TTBK1: variants seen among roughly 807,000 people sequenced by gnomAD.
The protein encoded by TTBK1 is tau tubulin kinase 1.
A neutral mutation model predicts 108.5 loss-of-function variants in TTBK1; 34 were observed. The ratio of observed to expected loss-of-function variants is 0.31; its 90% CI spans 0.24 to 0.42. TTBK1 has a LOEUF of 0.42. Among genes scored for constraint, TTBK1 ranks in the 10% least tolerant of loss-of-function variants. The probability of loss-of-function intolerance (pLI) is 1.00; values close to 1 mark genes in which losing one functional copy is unlikely to be tolerated. For missense variants in TTBK1, 1,539 were observed against 1,826.0 expected (o/e 0.84, Z 2.86); for synonymous variants, 809 against 795.1 (o/e 1.02, Z -0.29).
Position 43,244,268 on chromosome 6 carries a change from G to A in TTBK1, c.-55+560G>A, listed in dbSNP as rs187735861. Among the ~76,000 whole-genome samples the A allele has an allele frequency of 3.3e-4, 50 of 151,152 alleles. 1 individual carries two copies. The highest frequency in any genetic ancestry group is 3.4e-3 in the Middle Eastern group (1 of 290). The stretch of plus-strand genomic sequence containing the variant: ...CTTTCACCTGTTCCCATCACCCCTC[G>A]CTAGTCTCCATCACCTCTCCTTACC... On this transcript the variant is annotated intron_variant, in intron 1 of 14. Coordinates refer to ENST00000259750, the MANE Select transcript of TTBK1 (RefSeq NM_032538.3).
intron 13 of TTBK1, among the ~76,000 whole-genome samples, chr6:43,280,102 C>CTTCT (rs1305782290): frequency 2.0e-5 from 3 of 152,144 alleles, no homozygotes; most frequent in African/African-American, 7.2e-5. Flanking sequence ...CTGCTGGAAT[C>CTTCT]TGAAGCTATC....
In TTBK1 at chr6:43,283,712, C is replaced by T. The variant is rs1471225774; in HGVS notation, c.2972C>T (p.Ala991Val). ...NGLALSGLNG[A>V]EIEGSALSGA... The stretch of plus-strand genomic sequence containing the variant: ...CTCGCCCTGTCAGGGCTGAATGGGG[C>T]TGAGATAGAGGGCTCTGCCCTGTCT... Residue 991 changes from alanine (A) to valine (V), a missense_variant, in exon 14 of 15, where the codon GCT becomes GTT. Ala to Val is a moderately conservative substitution (Grantham distance 64). Coordinates refer to ENST00000259750, the MANE Select transcript of TTBK1 (RefSeq NM_032538.3). This position sits in a 1 kb window ranked among gnomAD's most constrained non-coding sequence, Gnocchi z 8.1. 1.2e-6 allele frequency: 2 copies of T among 1,613,806 alleles called. No homozygotes were observed. Among genetic ancestry groups the T allele is most frequent in the African/African-American group, 2.7e-5 (2 of 74,906 alleles).
Position 43,273,890 on chromosome 6 carries a change from CCT to C in TTBK1, c.1987-8834_1987-8833del, listed in dbSNP as rs1352249777. Among the ~76,000 whole-genome samples the C allele has an allele frequency of 3.6e-4, 55 of 152,318 alleles. 1 individual carries two copies. Among genetic ancestry groups the C allele is most frequent in the African/African-American group, 1.2e-3 (51 of 41,566 alleles). ...TGAGCCTGAGGACTTCCTGCACCACCCTCTGTCCAGGGCTGCAGCACTCAAAG... is the reference window on the plus strand; with the variant it reads ...TGAGCCTGAGGACTTCCTGCACCACCCTGTCCAGGGCTGCAGCACTCAAAG... On this transcript the variant is annotated intron_variant, in intron 13 of 14. Coordinates refer to ENST00000259750, the MANE Select transcript of TTBK1 (RefSeq NM_032538.3). The surrounding 1 kb of genome is among the most constrained non-coding windows in gnomAD (Gnocchi z 4.2).
At chr6:43,246,262 C>T (rs987970009) in intron 1 of TTBK1, among the ~76,000 whole-genome samples, 1 of 152,214 alleles carries the variant, frequency 6.6e-6, no homozygotes, top group African/African-American at 2.4e-5. Flanking sequence ...AAGCCCAGGC[C>T]TCCCCTACAA....
At position 43,269,468 on chromosome 6, in the gene TTBK1, C is replaced by G. The variant is rs1334614780; in HGVS notation, c.1986+6118C>G. 6.6e-6 allele frequency among the ~76,000 whole-genome samples: 1 copy of G among 152,208 alleles called. No individual in the cohort carries two copies. The highest frequency in any genetic ancestry group is 1.5e-5 in the Non-Finnish European group (1 of 68,034). ...GGCGTTGGAGGCCAGAGCCTAGATT[C>G]TGAGGCAGGACCTTGGGGCGGGTGG... On this transcript the variant is annotated intron_variant, in intron 13 of 14. Transcript: ENST00000259750. This position sits in a 1 kb window ranked among gnomAD's most constrained non-coding sequence, Gnocchi z 4.8.
In TTBK1 at chr6:43,283,417, T is replaced by C. The variant is rs779615073; in HGVS notation, c.2677T>C (p.Ser893Pro). 6.2e-7 allele frequency: 1 copy of C among 1,612,818 alleles called. No individual in the cohort carries two copies. Among genetic ancestry groups the C allele is most frequent in the Admixed American group, 1.7e-5 (1 of 59,880 alleles). ...AGGCACCCTGTCCTCTGTCCTCAAG[T>C]CTGAGCCCAAGCCCCCGGGGCCTGG... ...EPGTLSSVLK[S>P]EPKPPGPGAG... The change falls in exon 14 of 15, where the codon TCT becomes CCT. Residue 893 changes from serine (S) to proline (P), a missense_variant. Ser to Pro is a moderately conservative substitution (Grantham distance 74). This residue lies in a region of TTBK1 where 1,055 missense variants were observed against 1,086.5 expected (regional missense o/e 0.97). Transcript: ENST00000259750. The surrounding 1 kb of genome is among the most constrained non-coding windows in gnomAD (Gnocchi z 8.1).
intron 13 of TTBK1, among the ~76,000 whole-genome samples, chr6:43,267,227 C>G (rs1037712252): frequency 4.6e-5 from 7 of 152,110 alleles, no homozygotes; most frequent in South Asian, 2.1e-4. Context: ...GGTAGAGGAG[C>G]AGGGAGAAAT....
chr6:43,252,963 C>A, intron 3 of TTBK1, 77 bp downstream of exon 3: 1 of 1,542,820 alleles, frequency 6.5e-7, no homozygotes, highest in Non-Finnish European at 8.8e-7. Context: ...AGATCAGAAG[C>A]TGGGGTGAGG....
At chr6:43,266,546 C>T (rs1325378083) in intron 13 of TTBK1, among the ~76,000 whole-genome samples, 1 of 152,132 alleles carries the variant, frequency 6.6e-6, no homozygotes, top group African/African-American at 2.4e-5. Flanking sequence ...GTGTTAGCAA[C>T]GGGACTTGAA....
chr6:43,255,052 C>T lies in TTBK1; in HGVS notation c.580C>T (p.Arg194Trp). 1.2e-6 allele frequency: 2 copies of T among 1,613,200 alleles called. No homozygotes were observed. The highest frequency in any genetic ancestry group is 1.7e-6 in the Non-Finnish European group (2 of 1,179,808). The change falls in exon 7 of 15, where the codon CGG becomes TGG. Residue 194 changes from arginine (R) to tryptophan (W), a missense_variant. Around this residue, in one of 5 missense-constraint regions of TTBK1, gnomAD observed 155 missense variants for 348.5 expected, o/e 0.44. Coordinates refer to ENST00000259750, the MANE Select transcript of TTBK1 (RefSeq NM_032538.3). The part of the protein sequence containing the change: ...TNTTGDVRPP[R>W]NVAGFRGTVR... ...CTTGGTGGTCTCCCTTCTGCAGCCT[C>T]GGAATGTGGCCGGGTTTCGAGGAAC...
intron 2 of TTBK1, among the ~76,000 whole-genome samples, chr6:43,250,079 G>T (rs972172230): frequency 6.6e-6 from 1 of 151,492 alleles, no homozygotes; most frequent in African/African-American, 2.4e-5. Flanking sequence ...GGAAGAAGGG[G>T]TGTAAAGAAG....
chr6:43,263,135 CCCA>C lies in TTBK1; in HGVS notation c.1774_1776del (p.Thr592del), dbSNP rs1562089629. ...AGAGCGGCGGCGGCTGGGGGCAGAGCCCACCGTCCGGCCCCGGGGACGCAGCAT... is the reference window on the plus strand; with the variant it reads ...AGAGCGGCGGCGGCTGGGGGCAGAGCCCGTCCGGCCCCGGGGACGCAGCAT... On this transcript the variant is annotated inframe_deletion, in exon 13 of 15. Coordinates refer to ENST00000259750, the MANE Select transcript of TTBK1 (RefSeq NM_032538.3). This position sits in a 1 kb window ranked among gnomAD's most constrained non-coding sequence, Gnocchi z 4.7. 13 of 1,566,782 alleles carry C rather than the reference CCCA, an allele frequency of 8.3e-6. No homozygotes were observed. The highest frequency in any genetic ancestry group is 1.1e-5 in the Non-Finnish European group (13 of 1,154,852).
intron 2 of TTBK1, among the ~76,000 whole-genome samples, chr6:43,247,670 C>G (rs954495814): frequency 6.6e-6 from 1 of 151,904 alleles, no homozygotes; most frequent in African/African-American, 2.4e-5. Flanking sequence ...GTGCTTGGCG[C>G]GTGTGCGCAC....
In TTBK1 at chr6:43,286,724, T is replaced by A. The variant is rs1045817629; in HGVS notation, c.*1348T>A. 1.3e-5 allele frequency: 2 copies of A among 152,550 alleles called. No homozygotes were observed. Among genetic ancestry groups the A allele is most frequent in the African/African-American group, 4.8e-5 (2 of 41,462 alleles). The allele number at this position is 152,550 out of a possible 1,614,324, so 9.4% of individuals were successfully genotyped here. Reference sequence around the variant, plus strand: ...CTACTCCAGGAATGGATGTGGGGACTCTTCCTGGGTTCTGGCTCCTGCATA... The same window carrying A: ...CTACTCCAGGAATGGATGTGGGGACACTTCCTGGGTTCTGGCTCCTGCATA... On this transcript the variant is annotated 3_prime_UTR_variant, in exon 15 of 15. Transcript: ENST00000259750. This position sits in a 1 kb window ranked among gnomAD's most constrained non-coding sequence, Gnocchi z 4.6.
intron 13 of TTBK1, chr6:43,272,001 T>C: frequency 1.0e-6 from 1 of 985,118 alleles, no homozygotes. Context: ...GGTGGACCCT[T>C]TGAGAAGGGA....
intron 13 of TTBK1, among the ~76,000 whole-genome samples, chr6:43,272,992 C>T (rs1384035917): frequency 6.6e-6 from 1 of 152,164 alleles, no homozygotes; most frequent in East Asian, 1.9e-4. Context: ...TGGTGGCTTA[C>T]AATTATTTGT....
In TTBK1 at chr6:43,257,636, T is replaced by C. The variant is rs1486731007; in HGVS notation, c.862-176T>C. ...GATAATTTGCATGTTGATTTGCATA[T>C]CATGTGCATGTTTTCATTTAAAATC... On this transcript the variant is annotated intron_variant, in intron 9 of 14. Coordinates refer to ENST00000259750, the MANE Select transcript of TTBK1 (RefSeq NM_032538.3). The surrounding 1 kb of genome is among the most constrained non-coding windows in gnomAD (Gnocchi z 4.5). Among the ~76,000 whole-genome samples, 3 of 152,088 alleles carry C rather than the reference T, an allele frequency of 2.0e-5. No homozygotes were observed. The highest frequency in any genetic ancestry group is 1.3e-4 in the Admixed American group (2 of 15,266).
At chr6:43,244,524 C>T (rs62415363) in intron 1 of TTBK1, among the ~76,000 whole-genome samples, 35,703 of 152,072 alleles carry the variant, frequency 0.23, 4,309 homozygotes, top group East Asian at 0.37. Context: ...GCGGCAGTAA[C>T]GGGGCAGCCA....
chr6:43,279,209 T>C (rs1462733951), intron 13 of TTBK1, among the ~76,000 whole-genome samples: 5 of 152,208 alleles, frequency 3.3e-5, no homozygotes, highest in African/African-American at 1.2e-4. Context: ...GGGTTCCACC[T>C]ACAACCATCC....
Sources: gnomAD v4.1 joint callset for allele counts (sites outside exome capture counted in the v4.1 genomes callset) on GRCh38, gnomAD v4.1.1 for gene constraint, gnomAD v4.1.1 regional missense constraint, Gnocchi (gnomAD v3.1) non-coding constraint, MANE v1.5 for transcripts, NCBI Gene and HGNC (gene_info 2026-07-23, HGNC 2026-07-21) for gene names.